Variants in ADAMTS9 observed in about 807,000 individuals in gnomAD.
ADAMTS9 encodes A disintegrin and metalloproteinase with thrombospondin motifs 9.
A neutral mutation model predicts 257.1 loss-of-function variants in ADAMTS9; 107 were observed. The ratio of observed to expected loss-of-function variants is 0.42; its 90% confidence interval spans 0.36 to 0.49. The LOEUF (loss-of-function observed/expected upper bound fraction) is 0.49, where lower values mean the gene tolerates loss of function less well. Ranked by LOEUF, ADAMTS9 falls within the 20% of genes least tolerant of loss-of-function variation. The pLI is 0.03. For synonymous variants in ADAMTS9, 982 were observed against 880.9 expected (o/e 1.11, Z -2.03); for missense variants, 2,353 against 2,469.1 (o/e 0.95, Z 1.00).
chr3:64,649,712 C>A lies in ADAMTS9; in HGVS notation c.1530G>T (p.Leu510=), dbSNP rs780687242. The A allele has an allele frequency of 2.4e-5, 38 of 1,613,856 alleles. No individual in the cohort carries two copies. The highest frequency in any genetic ancestry group is 3.2e-5 in the Non-Finnish European group (38 of 1,179,966). Residue 510 remains leucine (L), a synonymous_variant, in exon 10 of 40, where the codon CTG becomes CTT. Coordinates refer to ENST00000498707, the MANE Select transcript of ADAMTS9 (RefSeq NM_182920.2). ...ESRPYPLPVQ[L]PGILYNVNKQ... ...TATTCACGTTGTAAAGGATGCCTGG[C>A]AGTTGGACAGGCAAAGGGTAGGGTC...
intron 29 of ADAMTS9, among the ~76,000 whole-genome samples, chr3:64,564,047 G>A (rs2083478249): frequency 6.6e-6 from 1 of 152,242 alleles, no homozygotes; most frequent in Non-Finnish European, 1.5e-5. Context: ...GTGGTGGTAT[G>A]TGTATGTGTG....
intron 28 of ADAMTS9, among the ~76,000 whole-genome samples, chr3:64,580,414 C>T (rs2083969063): frequency 1.3e-5 from 2 of 152,162 alleles, no homozygotes; most frequent in African/African-American, 2.4e-5. Context: ...TAGCCACCCT[C>T]CTGCAAACTC....
At position 64,668,087 on chromosome 3, in the gene ADAMTS9, A is replaced by G. The variant is rs575838741; in HGVS notation, c.680-9296T>C. Among the ~76,000 whole-genome samples the G allele has an allele frequency of 2.6e-5, 4 of 152,256 alleles. 1 individual carries two copies. In the South Asian group the frequency reaches 6.2e-4, roughly 24 times the overall value. On this transcript the variant is annotated intron_variant, in intron 3 of 39. Coordinates refer to ENST00000498707, the MANE Select transcript of ADAMTS9 (RefSeq NM_182920.2). ...GACCTTTCCGCCTGTCAGGGTGCCA[A>G]CTGCCCACAGACACCCTGTCCTGGC...
intron 3 of ADAMTS9, among the ~76,000 whole-genome samples, chr3:64,659,031 C>A (rs577283428): frequency 6.6e-6 from 1 of 152,090 alleles, no homozygotes; most frequent in Non-Finnish European, 1.5e-5. Flanking sequence ...AAATCAGGCC[C>A]GAGCTTAAGG....
intron 29 of ADAMTS9, among the ~76,000 whole-genome samples, chr3:64,562,451 C>A (rs1377200822): frequency 6.6e-6 from 1 of 152,172 alleles, no homozygotes; most frequent in Non-Finnish European, 1.5e-5. Flanking sequence ...GACCAACTTG[C>A]AAAACACCAT....
chr3:64,549,529 T>G lies in ADAMTS9; in HGVS notation c.4869+1363A>C, dbSNP rs959987756. ...TCCTGGCTGGCCAAGAGCAAATCAA[T>G]GTCGTAAAGATCAGAACCATGTCTC... On this transcript the variant is annotated intron_variant, in intron 31 of 39. Transcript: ENST00000498707. Among the ~76,000 whole-genome samples the G allele has an allele frequency of 2.2e-4, 33 of 152,120 alleles. 1 individual carries two copies. The highest frequency in any genetic ancestry group is 7.5e-4 in the African/African-American group (31 of 41,436).
At position 64,654,407 on chromosome 3, in the gene ADAMTS9, C is replaced by T. The variant is rs1176731012; in HGVS notation, c.1262G>A (p.Ser421Asn). ...ICDPYRSCSISEDSGLSTAFT... is the reference protein window; with the variant it reads ...ICDPYRSCSINEDSGLSTAFT... ...AGCTGTACTCAATCCACTATCTTCA[C>T]TAATAGAACAGCTTCTATAGGGATC... is the stretch of plus-strand genomic sequence containing the variant. Residue 421 changes from serine (S) to asparagine (N), a missense_variant, in exon 8 of 40, where the codon AGT (serine) becomes AAT (asparagine). Transcript: ENST00000498707. The T allele has an allele frequency of 6.2e-7, 1 of 1,614,148 alleles. No homozygotes were observed. The highest frequency in any genetic ancestry group is 2.2e-5 in the East Asian group (1 of 44,872).
intron 3 of ADAMTS9, among the ~76,000 whole-genome samples, chr3:64,670,727 C>T (rs895857078): frequency 6.6e-6 from 1 of 152,002 alleles, no homozygotes; most frequent in Non-Finnish European, 1.5e-5. Flanking sequence ...AGACGCTTCA[C>T]CAAAAAAGAT....
At chr3:64,552,031 C>T (rs527836028) in intron 30 of ADAMTS9, among the ~76,000 whole-genome samples, 4 of 152,328 alleles carry the variant, frequency 2.6e-5, no homozygotes, top group Non-Finnish European at 4.4e-5. Context: ...ATGGCACATT[C>T]TCTGTTTTCA....
At chr3:64,563,276 G>A (rs917787618) in intron 29 of ADAMTS9, 1 of 152,108 alleles carries the variant, frequency 6.6e-6, no homozygotes, top group African/African-American at 2.4e-5. Flanking sequence ...CCCCATAAAT[G>A]ATGGACATGT....
At position 64,681,222 on chromosome 3, in the gene ADAMTS9, T is replaced by C; in HGVS notation, c.658A>G (p.Arg220Gly). 1 of 1,613,364 alleles carries C rather than the reference T, an allele frequency of 6.2e-7. No individual in the cohort carries two copies. The highest frequency in any genetic ancestry group is 8.5e-7 in the Non-Finnish European group (1 of 1,179,754). ...ATACCTGAGGTGTCACATGCATGCC[T>C]TCCTGTTGAGGGCTCTCTCTGGGGG... ...SAPQREPSTG[R>G]HACDTSEHKN... Residue 220 changes from arginine (R) to glycine (G), a missense_variant, in exon 3 of 40, where the codon AGG (arginine) becomes GGG (glycine). Transcript: ENST00000498707.
chr3:64,637,723 C>T (rs1473713201), intron 12 of ADAMTS9, among the ~76,000 whole-genome samples: 2 of 152,222 alleles, frequency 1.3e-5, no homozygotes, highest in Admixed American at 1.3e-4. Context: ...AGTGTAATTC[C>T]TGTGCCTGGA....
chr3:64,556,403 A>G (rs2083333732), intron 30 of ADAMTS9, among the ~76,000 whole-genome samples: 1 of 152,182 alleles, frequency 6.6e-6, no homozygotes, highest in South Asian at 2.1e-4. Flanking sequence ...TCACTGCAGC[A>G]TTGACCTCCT....
At chr3:64,578,153 CA>C (rs2083901523) in intron 28 of ADAMTS9, among the ~76,000 whole-genome samples, 1 of 152,136 alleles carries the variant, frequency 6.6e-6, no homozygotes, top group South Asian at 2.1e-4. Context: ...TCATTTTAAC[CA>C]TTATCAAATT....
intron 37 of ADAMTS9, 71 bp downstream of exon 37, chr3:64,539,132 T>C: frequency 2.1e-6 from 3 of 1,443,356 alleles, no homozygotes; most frequent in Non-Finnish European, 2.9e-6. Context: ...CAGGAACAGA[T>C]GCAACTGAGG....
chr3:64,649,218 G>C (rs1391643807), intron 10 of ADAMTS9, among the ~76,000 whole-genome samples: 1 of 152,084 alleles, frequency 6.6e-6, no homozygotes, highest in African/African-American at 2.4e-5. Context: ...ACAGAAACAT[G>C]TTTGTCTCAT....
chr3:64,563,707 G>A (rs539400183), intron 29 of ADAMTS9, among the ~76,000 whole-genome samples: 7 of 152,252 alleles, frequency 4.6e-5, no homozygotes, highest in South Asian at 2.1e-4. Context: ...TCAATTATAC[G>A]ATATGTCATT....
chr3:64,550,571 G>A (rs994628539), intron 31 of ADAMTS9: 8 of 291,342 alleles, frequency 2.7e-5, no homozygotes, highest in Admixed American at 2.0e-4. Flanking sequence ...ATACTTAACT[G>A]TCTTCAGGCA....
Position 64,634,700 on chromosome 3 carries a change from C to T in ADAMTS9, c.1857-821G>A, listed in dbSNP as rs146617794. Reference sequence around the variant, plus strand: ...ACAGGAAGATCACAGAATCGTAGGACGTTGGGGCTCACTCACCCAGGGCTG... The same window carrying T: ...ACAGGAAGATCACAGAATCGTAGGATGTTGGGGCTCACTCACCCAGGGCTG... On this transcript the variant is annotated intron_variant, in intron 12 of 39. Transcript: ENST00000498707. Among the ~76,000 whole-genome samples the T allele has an allele frequency of 1.4e-4, 22 of 152,284 alleles. No homozygotes were observed. In the East Asian group the frequency reaches 3.3e-3, roughly 23 times the overall value.
Sources: gnomAD v4.1 joint callset for allele counts (sites outside exome capture counted in the v4.1 genomes callset) on GRCh38, gnomAD v4.1.1 for gene constraint, MANE v1.5 for transcripts, NCBI Gene and HGNC (gene_info 2026-07-23, HGNC 2026-07-21) for gene names.